Variants in TSHR observed in about 807,000 individuals in gnomAD.
TSHR encodes the protein thyrotropin receptor.
Under a neutral mutation model 64.1 loss-of-function variants are expected in TSHR, and 51 were observed. The observed-to-expected ratio is 0.80, with a 90% CI of 0.64 to 1.01. The LOEUF is 1.01. Ranked by LOEUF, TSHR falls within the 50% of genes least tolerant of loss-of-function variation. The pLI is 0.00. For synonymous variants in TSHR, 361 were observed against 361.9 expected, an observed-to-expected ratio of 1.00 and a Z score of 0.03; for missense variants, 877 against 942.8, an observed-to-expected ratio of 0.93 and a Z score of 0.91.
Position 81,103,206 on chromosome 14 carries a change from GT to G in TSHR, c.615-5164del. The G allele has an allele frequency of 1.0e-6, 1 of 985,402 alleles. No homozygotes were observed. Among genetic ancestry groups the G allele is most frequent in the South Asian group, 4.7e-5 (1 of 21,284 alleles). 61.0% of individuals were successfully genotyped at this position (985,402 alleles called of 1,614,324 possible). ...AATAATAAAATAGTATTCACATTGT[GT>G]TTTTAACATAGGGATGTTGCTTTTG... On this transcript the variant is annotated intron_variant, in intron 7 of 9. Transcript: ENST00000298171. This position sits in a 1 kb window ranked among gnomAD's most constrained non-coding sequence, Gnocchi z 4.1.
rs1203690302 is a variant in TSHR at position 81,094,731 on chromosome 14, A to C, written c.546-1908A>C. Reference sequence around the variant, plus strand: ...GACAGAGTCTCACTCTGTCACCCAGAGCTGGAGTGCAATGGTGCGATCTCG... The same window carrying C: ...GACAGAGTCTCACTCTGTCACCCAGCGCTGGAGTGCAATGGTGCGATCTCG... On this transcript the variant is annotated intron_variant, in intron 6 of 9. Coordinates refer to ENST00000298171, the MANE Select transcript of TSHR (RefSeq NM_000369.5). Among the ~76,000 whole-genome samples the C allele has an allele frequency of 3.5e-5, 4 of 115,154 alleles. No homozygotes were observed. The East Asian group carries it at 1.1e-3, about 31-fold the overall frequency. 75.5% of individuals were successfully genotyped at this position (115,154 alleles called of 152,430 possible). A position where few individuals can be genotyped will look rare whatever the true frequency, so the allele number is the denominator to read the frequency against.
intron 1 of TSHR, among the ~76,000 whole-genome samples, chr14:81,008,263 C>T (rs1009465398): frequency 2.6e-5 from 4 of 151,710 alleles, no homozygotes; most frequent in African/African-American, 9.7e-5. Context: ...AGCTCCGCTT[C>T]CCGGGTTCAC....
chr14:80,975,502 C>CACCT (rs1192365218), intron 1 of TSHR, among the ~76,000 whole-genome samples: 16 of 152,168 alleles, frequency 1.1e-4, no homozygotes, highest in Admixed American at 1.0e-3. Flanking sequence ...CATTTGCGTC[C>CACCT]ACCTACCACT....
intron 1 of TSHR, among the ~76,000 whole-genome samples, chr14:81,046,893 C>T (rs1402732279): frequency 6.6e-6 from 1 of 152,124 alleles, no homozygotes; most frequent in African/African-American, 2.4e-5. Context: ...ACTTCACAGG[C>T]TGGAATACAA....
chr14:81,068,470 T>A, intron 3 of TSHR, 142 bp downstream of exon 3: 2 of 726,306 alleles, frequency 2.8e-6, no homozygotes, highest in Non-Finnish European at 4.8e-6. Flanking sequence ...TAACCTGTTC[T>A]CATTCTCAGT....
intron 1 of TSHR, among the ~76,000 whole-genome samples, chr14:80,987,828 G>C (rs117159121): frequency 0.012 from 1,863 of 152,190 alleles, 22 homozygotes; most frequent in Non-Finnish European, 0.018. Context: ...CCATCCCATT[G>C]ATACAAGGCC....
rs765121862 is a variant in TSHR at position 81,062,236 on chromosome 14, TAAAGA to T, written c.242+22_242+26del. The T allele has an allele frequency of 1.7e-5, 27 of 1,589,046 alleles. No homozygotes were observed. Among genetic ancestry groups the T allele is most frequent in the Non-Finnish European group, 2.2e-5 (26 of 1,159,852 alleles). On this transcript the variant is annotated intron_variant, in intron 2 of 9. Transcript: ENST00000298171. ...TTCCAGAATGTAAGTTTTTTTAATATAAAGAAAAGTTTGCATTTGTGATATGTTAT... is the reference window on the plus strand; with the variant it reads ...TTCCAGAATGTAAGTTTTTTTAATATAAAGTTTGCATTTGTGATATGTTAT...
At chr14:81,075,934 G>A (rs1887468911) in intron 3 of TSHR, among the ~76,000 whole-genome samples, 1 of 151,968 alleles carries the variant, frequency 6.6e-6, no homozygotes, top group Admixed American at 6.6e-5. Flanking sequence ...AGAAAATGTG[G>A]CACATATACA....
intron 1 of TSHR, among the ~76,000 whole-genome samples, chr14:80,970,815 T>G (rs1054753300): frequency 2.6e-5 from 4 of 152,228 alleles, no homozygotes; most frequent in African/African-American, 9.6e-5. Flanking sequence ...GTCCTATACC[T>G]TAGAAGGGAT....
chr14:81,062,168 TG>T lies in TSHR; in HGVS notation c.192del (p.Arg65GlufsTer21). On this transcript the variant is annotated frameshift_variant, in exon 2 of 10. Transcript: ENST00000298171. LOFTEE classifies it high-confidence loss of function. ...TQTLKLIETH[L>X]RTIPSHAFSN... Reference sequence around the variant, plus strand: ...CACAGGAAGCTTATTGAGACTCACCTGAGAACTATTCCAAGTCATGCATTTT... The same window carrying T: ...CACAGGAAGCTTATTGAGACTCACCTAGAACTATTCCAAGTCATGCATTTT... 1 of 1,611,952 alleles carries T rather than the reference TG, an allele frequency of 6.2e-7. No homozygotes were observed. The highest frequency in any genetic ancestry group is 8.5e-7 in the Non-Finnish European group (1 of 1,178,768).
intron 3 of TSHR, among the ~76,000 whole-genome samples, chr14:81,076,504 C>A (rs1484649661): frequency 6.6e-6 from 1 of 152,152 alleles, no homozygotes; most frequent in Non-Finnish European, 1.5e-5. Flanking sequence ...CGTTTTATAT[C>A]CAAAACTGAC....
intron 1 of TSHR, chr14:80,982,467 A>G: frequency 9.0e-7 from 1 of 1,114,226 alleles, no homozygotes; most frequent in Non-Finnish European, 1.2e-6. Context: ...CCAGTTGCAA[A>G]CCTAGGTCTG....
Position 80,957,471 on chromosome 14 carries a change from A to C in TSHR, c.170+1621A>C, listed in dbSNP as rs530001347. 2.0e-5 allele frequency among the ~76,000 whole-genome samples: 3 copies of C among 152,312 alleles called. No homozygotes were observed. The East Asian group carries it at 5.8e-4, about 29-fold the overall frequency. On this transcript the variant is annotated intron_variant, in intron 1 of 9. Coordinates refer to ENST00000298171, the MANE Select transcript of TSHR (RefSeq NM_000369.5). ...ACTTAGACACTCAGAAAAAACAAAA[A>C]AAAAAAAACTTAAGTGAATAAATAA...
intron 1 of TSHR, chr14:81,003,265 C>T (rs1372680300): frequency 6.6e-6 from 1 of 152,104 alleles, no homozygotes; most frequent in Non-Finnish European, 1.5e-5. Flanking sequence ...CATCCTTTGT[C>T]CTTTTTGTAC....
intron 1 of TSHR, among the ~76,000 whole-genome samples, chr14:80,978,385 T>G (rs1888000407): frequency 6.6e-6 from 1 of 152,170 alleles, no homozygotes. Flanking sequence ...ATCAGTTCAG[T>G]TATTCTGGGA....
chr14:81,119,817 G>A (rs1479619608), intron 8 of TSHR, among the ~76,000 whole-genome samples: 1 of 82,560 alleles, frequency 1.2e-5, no homozygotes, highest in African/African-American at 5.7e-5. Context: ...AAGAAAATGT[G>A]GTACATATAC....
At chr14:81,042,385 G>C (rs1884964931) in intron 1 of TSHR, among the ~76,000 whole-genome samples, 1 of 152,084 alleles carries the variant, frequency 6.6e-6, no homozygotes, top group Non-Finnish European at 1.5e-5. Context: ...TATGGAATCA[G>C]CCTAAGTGTT....
rs573941571 is a variant in TSHR at position 80,968,444 on chromosome 14, A to G, written c.170+12594A>G. ...CCCATCTTCCACAGATTCCTTCAAGATGCAGTCCTTGCAAAGACATAATGC... is the reference window on the plus strand; with the variant it reads ...CCCATCTTCCACAGATTCCTTCAAGGTGCAGTCCTTGCAAAGACATAATGC... On this transcript the variant is annotated intron_variant, in intron 1 of 9. Coordinates refer to ENST00000298171, the MANE Select transcript of TSHR (RefSeq NM_000369.5). 5.3e-5 allele frequency among the ~76,000 whole-genome samples: 8 copies of G among 152,064 alleles called. No individual in the cohort carries two copies. In the South Asian group the frequency reaches 1.0e-3, roughly 20 times the overall value.
intron 1 of TSHR, among the ~76,000 whole-genome samples, chr14:81,044,344 A>G (rs899881782): frequency 6.6e-6 from 1 of 152,150 alleles, no homozygotes; most frequent in East Asian, 1.9e-4. Context: ...AACATCACTG[A>G]TCATTAGAAA....
Sources: gnomAD v4.1 joint callset for allele counts (sites outside exome capture counted in the v4.1 genomes callset) on GRCh38, gnomAD v4.1.1 for gene constraint, Gnocchi (gnomAD v3.1) non-coding constraint, MANE v1.5 for transcripts, NCBI Gene and HGNC (gene_info 2026-07-23, HGNC 2026-07-21) for gene names.